Variants in SOD1 observed in about 807,000 individuals in gnomAD.
SOD1 encodes the protein superoxide dismutase [Cu-Zn].
SOD1 carries 8 observed loss-of-function variants against 15.9 expected under a neutral mutation model. The ratio of observed to expected loss-of-function variants is 0.50; its 90% CI spans 0.30 to 0.91. The LOEUF (loss-of-function observed/expected upper bound fraction) is 0.91, where lower values mean the gene tolerates loss of function less well. Ranked by LOEUF, SOD1 falls within the 40% of genes least tolerant of loss-of-function variation. The probability of loss-of-function intolerance (pLI) is 0.07; values close to 1 mark genes in which losing one functional copy is unlikely to be tolerated. For missense variants in SOD1, 137 were observed against 194.5 expected, an observed-to-expected ratio of 0.70 and a Z score of 1.76; for synonymous variants, 86 against 71.2, an observed-to-expected ratio of 1.21 and a Z score of -1.04.
Position 31,666,423 on chromosome 21 carries a change from CT to C in SOD1, c.170-18del, listed in dbSNP as rs751210559. 1.3e-5 allele frequency: 21 copies of C among 1,558,006 alleles called. No individual in the cohort carries two copies. The highest frequency in any genetic ancestry group is 7.9e-5 in the South Asian group (7 of 89,062). ...TTGGGAACTTTAATTCATAATTTAG[CT>C]TTTTTTTCTTCTTCTTATAAATAGG... On this transcript the variant is annotated intron_variant, in intron 2 of 4. Coordinates refer to ENST00000270142, the MANE Select transcript of SOD1 (RefSeq NM_000454.5).
At chr21:31,663,175 C>G (rs1259522664) in intron 1 of SOD1, among the ~76,000 whole-genome samples, 1 of 146,614 alleles carries the variant, frequency 6.8e-6, no homozygotes, top group African/African-American at 2.5e-5. Flanking sequence ...AAAGGGTGTG[C>G]GTGGAGAAAA....
At chr21:31,667,037 G>C in intron 3 of SOD1, 1 of 591,706 alleles carries the variant, frequency 1.7e-6, no homozygotes. Flanking sequence ...CAGTAACTGA[G>C]AGTTTACCCT....
intron 1 of SOD1, among the ~76,000 whole-genome samples, chr21:31,662,872 G>A (rs188110394): frequency 3.3e-5 from 5 of 152,232 alleles, no homozygotes; most frequent in South Asian, 4.1e-4. Context: ...AAAATTAGCC[G>A]GGTGTGGTGG....
chr21:31,661,791 G>A (rs944132801), intron 1 of SOD1: 2 of 152,248 alleles, frequency 1.3e-5, no homozygotes, highest in East Asian at 3.8e-4. Flanking sequence ...GCCTGACTTC[G>A]TTTTGTTTGG....
chr21:31,666,291 C>T (rs2049592484), intron 2 of SOD1, among the ~76,000 whole-genome samples, 158 bp from the exon 3 acceptor site: 1 of 152,088 alleles, frequency 6.6e-6, no homozygotes, highest in Admixed American at 6.5e-5. Context: ...TGTTTCTGTT[C>T]CCTTCTCACT....
In SOD1 at chr21:31,668,699, A is replaced by G. The variant is rs1028487005; in HGVS notation, c.*121A>G. On this transcript the variant is annotated 3_prime_UTR_variant, in exon 5 of 5. Coordinates refer to ENST00000270142, the MANE Select transcript of SOD1 (RefSeq NM_000454.5). ...AAAAGTGTAATTGTGTGACTTTTTC[A>G]GAGTTGCTTTAAAGTACCTGTAGTG... is the stretch of plus-strand genomic sequence containing the variant. 7.6e-5 allele frequency: 61 copies of G among 804,066 alleles called. No homozygotes were observed. Among genetic ancestry groups the G allele is most frequent in the Admixed American group, 1.2e-4 (6 of 49,366 alleles). The allele number at this position is 804,066 out of a possible 1,614,324, so 49.8% of individuals were successfully genotyped here.
chr21:31,660,457 CTT>C (rs1020399772), intron 1 of SOD1: 3 of 152,276 alleles, frequency 2.0e-5, no homozygotes, highest in East Asian at 1.9e-4. Context: ...TTGTGTGACA[CTT>C]TGCAGGGAAG....
At position 31,668,635 on chromosome 21, in the gene SOD1, T is replaced by C. The variant is rs41391245; in HGVS notation, c.*57T>C. On this transcript the variant is annotated 3_prime_UTR_variant, in exon 5 of 5. Coordinates refer to ENST00000270142, the MANE Select transcript of SOD1 (RefSeq NM_000454.5). ...AACTCATCTGTTATCCTGCTAGCTG[T>C]AGAAATGTATCCTGATAAACATTAA... 6.7e-6 allele frequency: 8 copies of C among 1,193,452 alleles called. No homozygotes were observed. Among genetic ancestry groups the C allele is most frequent in the Non-Finnish European group, 7.5e-6 (6 of 796,190 alleles). The allele number at this position is 1,193,452 out of a possible 1,614,324, so 73.9% of individuals were successfully genotyped here.
chr21:31,665,772 T>C (rs2049587449), intron 2 of SOD1, among the ~76,000 whole-genome samples: 1 of 152,208 alleles, frequency 6.6e-6, no homozygotes, highest in African/African-American at 2.4e-5. Flanking sequence ...ATAGAACTGC[T>C]TGGCATATGT....
intron 3 of SOD1, 96 bp downstream of exon 3, chr21:31,666,614 TC>T: frequency 1.0e-6 from 1 of 964,698 alleles, no homozygotes; most frequent in Non-Finnish European, 1.6e-6. Flanking sequence ...ATTCCGTGTT[TC>T]CCCCACCTTT....
chr21:31,668,345 ATCTC>A, intron 4 of SOD1, 122 bp from the exon 5 acceptor site: 1 of 710,388 alleles, frequency 1.4e-6, no homozygotes, highest in Non-Finnish European at 2.5e-6. Context: ...ATATTAGTAT[ATCTC>A]TCTACTAGGA....
rs770036508 is a variant in SOD1, at chr21:31,666,528, T to C, written c.239+10T>C. 6.3e-7 allele frequency: 1 copy of C among 1,589,890 alleles called. No homozygotes were observed. Among genetic ancestry groups the C allele is most frequent in the South Asian group, 1.1e-5 (1 of 90,258 alleles). ...CAAAGGATGAAGAGAGGTAACAAGA[T>C]GCTTAACTCTTGTAATAATGGCGAT... On this transcript the variant is annotated intron_variant, in intron 3 of 4. Transcript: ENST00000270142.
intron 1 of SOD1, 147 bp downstream of exon 1, chr21:31,659,988 C>T (rs1279075903): frequency 1.4e-6 from 1 of 695,034 alleles, no homozygotes; most frequent in Non-Finnish European, 2.3e-6. Context: ...CGGTCGGTGC[C>T]TTCGCCCCCA....
chr21:31,665,970 G>GTTT (rs397866461), intron 2 of SOD1, among the ~76,000 whole-genome samples: 3 of 128,280 alleles, frequency 2.3e-5, no homozygotes, highest in Non-Finnish European at 3.2e-5. Context: ...ACTTGGTGGG[G>GTTT]TTTTTTTTTT....
Position 31,668,184 on chromosome 21 carries a change from G to A in SOD1, c.358-287G>A, listed in dbSNP as rs140779554. ...TAAGGTTACTGTAACTTACCATGGA[G>A]GATTAAGGGTAGCGTGTGGTGGTCT... On this transcript the variant is annotated intron_variant, in intron 4 of 4. Coordinates refer to ENST00000270142, the MANE Select transcript of SOD1 (RefSeq NM_000454.5). 6.6e-5 allele frequency among the ~76,000 whole-genome samples: 10 copies of A among 152,220 alleles called. No individual in the cohort carries two copies. The East Asian group carries it at 1.9e-3, about 29-fold the overall frequency.
At chr21:31,666,747 T>G in intron 3 of SOD1, 1 of 575,412 alleles carries the variant, frequency 1.7e-6, no homozygotes, top group Non-Finnish European at 3.1e-6. Context: ...GTAGCATTTA[T>G]TGAATATAGA....
At chr21:31,660,002 G>T (rs2049533993) in intron 1 of SOD1, 161 bp downstream of exon 1, 2 of 604,026 alleles carry the variant, frequency 3.3e-6, no homozygotes, top group South Asian at 4.5e-5. Flanking sequence ...GCCCCCAGCG[G>T]TGCGGTGCCC....
At chr21:31,665,056 TGTAAGA>T in intron 2 of SOD1, among the ~76,000 whole-genome samples, 1 of 152,226 alleles carries the variant, frequency 6.6e-6, no homozygotes. Context: ...CATAATGCCA[TGTAAGA>T]GTAGCTCTAC....
At chr21:31,661,859 T>A (rs570249693) in intron 1 of SOD1, 1 of 152,380 alleles carries the variant, frequency 6.6e-6, no homozygotes, top group East Asian at 1.9e-4. Flanking sequence ...TTTCCAGATA[T>A]GCAGAGATAA....
Sources: allele counts gnomAD v4.1 joint callset (sites outside exome capture counted in the v4.1 genomes callset), GRCh38; gene constraint gnomAD v4.1.1; transcripts MANE v1.5; gene names NCBI Gene and HGNC (gene_info 2026-07-23, HGNC 2026-07-21).